DDRGK1: variants seen among roughly 807,000 people sequenced by gnomAD.
DDRGK1 encodes the protein DDRGK domain-containing protein 1.
A neutral mutation model predicts 45.8 loss-of-function variants in DDRGK1; 38 were observed. The ratio of observed to expected loss-of-function variants is 0.83; its 90% CI spans 0.64 to 1.09. The LOEUF (loss-of-function observed/expected upper bound fraction) is 1.09. Ranked by LOEUF, DDRGK1 falls within the 50% of genes least tolerant of loss-of-function variation. DDRGK1 has a pLI of 0.00. For missense variants in DDRGK1, 403 were observed against 419.9 expected, an observed-to-expected ratio of 0.96 and a Z score of 0.35; for synonymous variants, 171 against 168.7, an observed-to-expected ratio of 1.01 and a Z score of -0.11.
At chr20:3,201,203 G>C (rs1356298779) in intron 2 of DDRGK1, among the ~76,000 whole-genome samples, 1 of 150,446 alleles carries the variant, frequency 6.6e-6, no homozygotes, top group Non-Finnish European at 1.5e-5. Flanking sequence ...GGAATGGTGT[G>C]AACCCAGGAG....
chr20:3,191,493 G>A (rs2066989141), intron 7 of DDRGK1: 1 of 677,748 alleles, frequency 1.5e-6, no homozygotes, highest in Non-Finnish European at 2.7e-6. Flanking sequence ...GGTGCAGTCT[G>A]TGCATGAGAG....
chr20:3,195,215 G>A lies in DDRGK1; in HGVS notation c.633+16C>T, dbSNP rs778510299. ...GATGGGTGCAGAGAGGGGCTTCCCA[G>A]GGGCAGCAGGCCCACCTGTTCCTCA... On this transcript the variant is annotated intron_variant, in intron 5 of 8. Transcript: ENST00000354488. 1 of 1,613,850 alleles carries A rather than the reference G, an allele frequency of 6.2e-7. No homozygotes were observed. Among genetic ancestry groups the A allele is most frequent in the African/African-American group, 1.3e-5 (1 of 74,916 alleles).
intron 6 of DDRGK1, among the ~76,000 whole-genome samples, chr20:3,193,527 T>C (rs1466472125): frequency 6.6e-6 from 1 of 152,134 alleles, no homozygotes; most frequent in Non-Finnish European, 1.5e-5. Flanking sequence ...TGCACCACCA[T>C]GCCTGGCTAA....
intron 6 of DDRGK1, 103 bp from the exon 7 acceptor site, chr20:3,191,924 G>A: frequency 8.2e-7 from 1 of 1,222,466 alleles, no homozygotes; most frequent in South Asian, 1.4e-5. Context: ...TGTTCTCGGT[G>A]GCTGGAAAAA....
chr20:3,194,999 C>T, intron 5 of DDRGK1, 131 bp from the exon 6 acceptor site: 1 of 1,346,702 alleles, frequency 7.4e-7, no homozygotes, highest in Non-Finnish European at 1.0e-6. Context: ...GCCCAACCAC[C>T]TGCACATACC....
chr20:3,204,682 GGCCCCGCC>G, upstream of DDRGK1: 1 of 1,510,968 alleles, frequency 6.6e-7, no homozygotes, highest in Non-Finnish European at 8.9e-7. Flanking sequence ...GGATCTCATA[GGCCCCGCC>G]CCTATTTCCC....
At chr20:3,197,471 G>A (rs1025347278) in intron 4 of DDRGK1, among the ~76,000 whole-genome samples, 1 of 152,144 alleles carries the variant, frequency 6.6e-6, no homozygotes, top group Non-Finnish European at 1.5e-5. Flanking sequence ...ACAACATTAG[G>A]GACAAGTGAA....
In DDRGK1 at chr20:3,196,430, C is replaced by G. The variant is rs549453519; in HGVS notation, c.511-1077G>C. Among the ~76,000 whole-genome samples the G allele has an allele frequency of 3.1e-3, 469 of 152,252 alleles. 4 individuals are homozygous for G. Among genetic ancestry groups the G allele is most frequent in the Non-Finnish European group, 4.8e-3 (324 of 68,016 alleles). ...TGGTGGCTCACGCCTGTAATCCCAG[C>G]ACTTTGGGAGGCCAAGGCGGGCGGA... is the stretch of plus-strand genomic sequence containing the variant. On this transcript the variant is annotated intron_variant, in intron 4 of 8. Transcript: ENST00000354488.
intron 2 of DDRGK1, among the ~76,000 whole-genome samples, chr20:3,201,659 T>G (rs960856149): frequency 6.6e-6 from 1 of 151,602 alleles, no homozygotes; most frequent in African/African-American, 2.4e-5. Flanking sequence ...GTTGTTTTTT[T>G]TGGTTTTTTT....
At chr20:3,203,450 T>C (rs748054317) in intron 1 of DDRGK1, 34 bp from the exon 2 acceptor site, 5 of 1,503,108 alleles carry the variant, frequency 3.3e-6, no homozygotes, top group Non-Finnish European at 1.8e-6. Context: ...ATGCTGCCTA[T>C]AAGCCCAGCC....
intron 8 of DDRGK1, 92 bp downstream of exon 8, chr20:3,191,098 G>A: frequency 1.3e-6 from 2 of 1,523,888 alleles, no homozygotes; most frequent in Non-Finnish European, 1.8e-6. Context: ...CATCTTGGGT[G>A]GTCATCCTGC....
chr20:3,201,578 G>C (rs141055522), intron 2 of DDRGK1, among the ~76,000 whole-genome samples: 1 of 151,872 alleles, frequency 6.6e-6, no homozygotes, highest in African/African-American at 2.4e-5. Context: ...CACAGATAGC[G>C]CTGCCTGGAT....
chr20:3,191,082 TCCC>T (rs1370699827), intron 8 of DDRGK1, 105 bp downstream of exon 8: 3 of 1,432,100 alleles, frequency 2.1e-6, no homozygotes, highest in African/African-American at 1.4e-5. Context: ...TGCACACCCC[TCCC>T]CCCATCTTGG....
At chr20:3,195,609 A>G (rs1264596217) in intron 4 of DDRGK1, among the ~76,000 whole-genome samples, 2 of 152,000 alleles carry the variant, frequency 1.3e-5, no homozygotes, top group Non-Finnish European at 2.9e-5. Flanking sequence ...AGGGGATCTT[A>G]GCAAAAATCT....
rs779272250 is a variant in DDRGK1 at position 3,203,311 on chromosome 20, C to T, written c.197G>A (p.Arg66His). The change falls in exon 2 of 9, where the codon CGC (arginine) becomes CAC (histidine). Residue 66 changes from arginine to histidine, a missense_variant. Coordinates refer to ENST00000354488, the MANE Select transcript of DDRGK1 (RefSeq NM_023935.3). ...EEPRAGGRPR[R>H]RRDLGSRLQA... ...TAGGCGGCTGCCCAGGTCCCTCCGG[C>T]GCCGAGGCCTGCCTCCAGCTCTCGG... is the stretch of plus-strand genomic sequence containing the variant. 60 of 1,608,166 alleles carry T rather than the reference C, an allele frequency of 3.7e-5. No individual in the cohort carries two copies. Among genetic ancestry groups the T allele is most frequent in the Non-Finnish European group, 4.8e-5 (57 of 1,177,084 alleles).
Position 3,191,251 on chromosome 20 carries a change from C to G in DDRGK1, c.730-13G>C, listed in dbSNP as rs1382776768. ...GATTTATGGTGTCCTATGAGGAGAA[C>G]AACTCTCAGAATAGAGATAGGCACC... On this transcript the variant is annotated splice_polypyrimidine_tract_variant and intron_variant, in intron 7 of 8. Coordinates refer to ENST00000354488, the MANE Select transcript of DDRGK1 (RefSeq NM_023935.3). The G allele has an allele frequency of 6.2e-6, 10 of 1,614,144 alleles. No homozygotes were observed. Among genetic ancestry groups the G allele is most frequent in the Middle Eastern group, 1.6e-4 (1 of 6,062 alleles).
At chr20:3,193,937 C>T (rs1268600017) in intron 6 of DDRGK1, among the ~76,000 whole-genome samples, 2 of 152,108 alleles carry the variant, frequency 1.3e-5, no homozygotes, top group Admixed American at 6.5e-5. Flanking sequence ...ATAACCTGCC[C>T]GGCCACAGCC....
intron 4 of DDRGK1, among the ~76,000 whole-genome samples, chr20:3,198,952 G>A (rs909900695): frequency 8.4e-5 from 12 of 142,446 alleles, no homozygotes; most frequent in African/African-American, 3.2e-4. Flanking sequence ...AAGCAGCCTG[G>A]GAAACACGGT....
chr20:3,190,753 A>C lies in DDRGK1; in HGVS notation c.845T>G (p.Phe282Cys). 3.1e-6 allele frequency: 5 copies of C among 1,614,068 alleles called. No individual in the cohort carries two copies. The highest frequency in any genetic ancestry group is 4.2e-6 in the Non-Finnish European group (5 of 1,179,980). The stretch of plus-strand genomic sequence containing the variant: ...GGACACCCGGCCCCGCTGTCGGATG[A>C]AGTTGGCCACGGCGGCCAGTTCCTC... ...TPEELAAVANFIRQRGRVSIA... is the reference protein window; with the variant it reads ...TPEELAAVANCIRQRGRVSIA... Residue 282 changes from phenylalanine to cysteine, a missense_variant, in exon 9 of 9, where the codon TTC becomes TGC. Coordinates refer to ENST00000354488, the MANE Select transcript of DDRGK1 (RefSeq NM_023935.3).
Sources: allele counts gnomAD v4.1 joint callset (sites outside exome capture counted in the v4.1 genomes callset), GRCh38; gene constraint gnomAD v4.1.1; transcripts MANE v1.5; gene names NCBI Gene and HGNC (gene_info 2026-07-23, HGNC 2026-07-21).